The following RIN3 variants were observed in gnomAD, a reference collection of about 807,000 sequenced individuals.
RIN3 encodes the protein Ras and Rab interactor 3.
In RIN3, 54 loss-of-function variants were observed where a neutral mutation model predicts 76.3. The ratio of observed to expected loss-of-function variants is 0.71; its 90% CI spans 0.57 to 0.89. The LOEUF (loss-of-function observed/expected upper bound fraction) is 0.89. RIN3 is among the 40% of genes least tolerant of loss of function. The probability of loss-of-function intolerance (pLI) is 0.00; values close to 1 mark genes in which losing one functional copy is unlikely to be tolerated. For synonymous variants in RIN3, 576 were observed against 564.0 expected (o/e 1.02, Z -0.30); for missense variants, 1,256 against 1,322.1 (o/e 0.95, Z 0.78).
At chr14:92,599,778 G>C (rs568237379) in intron 3 of RIN3, among the ~76,000 whole-genome samples, 10 of 152,176 alleles carry the variant, frequency 6.6e-5, no homozygotes, top group African/African-American at 2.4e-4. Flanking sequence ...GGACTGAAGA[G>C]ACCTGTTTCC....
chr14:92,567,418 A>G (rs1897943016), intron 2 of RIN3, among the ~76,000 whole-genome samples: 1 of 152,154 alleles, frequency 6.6e-6, no homozygotes, highest in Admixed American at 6.5e-5. Context: ...TGCAGCTGCA[A>G]TCATCTAGCA....
chr14:92,627,025 C>A (rs1003964804), intron 4 of RIN3, among the ~76,000 whole-genome samples: 1 of 152,152 alleles, frequency 6.6e-6, no homozygotes, highest in African/African-American at 2.4e-5. Context: ...AATGAAACAA[C>A]AATATTTTAT....
At chr14:92,546,728 C>CA (rs748264138) in intron 1 of RIN3, among the ~76,000 whole-genome samples, 68 of 152,258 alleles carry the variant, frequency 4.5e-4, no homozygotes, top group Non-Finnish European at 6.6e-4. Flanking sequence ...CCCCCGCCCC[C>CA]AGCCTCAGAC....
chr14:92,639,881 T>C (rs371997465), intron 4 of RIN3, among the ~76,000 whole-genome samples: 259 of 145,340 alleles, frequency 1.8e-3, no homozygotes, highest in African/African-American at 5.6e-3. Flanking sequence ...GGGAGATGCC[T>C]GACTGTGTGC....
intron 4 of RIN3, among the ~76,000 whole-genome samples, chr14:92,621,235 C>CAAAAAA (rs572318532): frequency 0.14 from 9,879 of 70,480 alleles, 1,941 homozygotes; most frequent in Middle Eastern, 0.19. Flanking sequence ...GACTCCGTCT[C>CAAAAAA]AAAAAAAAAA....
chr14:92,640,816 G>A (rs112202444), intron 4 of RIN3, among the ~76,000 whole-genome samples: 235 of 108,890 alleles, frequency 2.2e-3, no homozygotes, highest in Non-Finnish European at 3.1e-3. Flanking sequence ...CTGTGTGTTC[G>A]TCGGGGGCTG....
chr14:92,663,232 G>A (rs1887953483), intron 7 of RIN3, among the ~76,000 whole-genome samples: 1 of 152,246 alleles, frequency 6.6e-6, no homozygotes, highest in Admixed American at 6.5e-5. Context: ...TATCGTCCTT[G>A]TGGTGAAAGT....
At position 92,651,855 on chromosome 14, in the gene RIN3, C is replaced by A. The variant is rs1380168101; in HGVS notation, c.806C>A (p.Thr269Asn). The A allele has an allele frequency of 1.2e-6, 2 of 1,609,812 alleles. No individual in the cohort carries two copies. The highest frequency in any genetic ancestry group is 1.3e-5 in the African/African-American group (1 of 74,844). ...CCTTTGCCGCCCACCTCTGATGCCACCTCACCCACCTCCAGGTGGGCCCCA... is the reference window on the plus strand; with the variant it reads ...CCTTTGCCGCCCACCTCTGATGCCAACTCACCCACCTCCAGGTGGGCCCCA... The part of the protein sequence containing the change: ...ARPLPPTSDA[T>N]SPTSRWAPRR... Residue 269 changes from threonine (T) to asparagine (N), a missense_variant, in exon 6 of 10, where the codon ACC becomes AAC. This residue lies in a region of RIN3 where 610 missense variants were observed against 626.4 expected (regional missense o/e 0.97). Transcript: ENST00000216487.
intron 2 of RIN3, among the ~76,000 whole-genome samples, chr14:92,574,688 G>A (rs748707394): frequency 4.0e-5 from 6 of 151,880 alleles, no homozygotes; most frequent in East Asian, 1.9e-4. Context: ...CCCTTCCATC[G>A]CCCCCTATTG....
At chr14:92,668,014 C>T (rs1159169871) in intron 7 of RIN3, among the ~76,000 whole-genome samples, 1 of 152,156 alleles carries the variant, frequency 6.6e-6, no homozygotes, top group Non-Finnish European at 1.5e-5. Flanking sequence ...GACAAAATCC[C>T]CTCCTGTCTT....
intron 6 of RIN3, among the ~76,000 whole-genome samples, chr14:92,653,516 G>A (rs1353914345): frequency 2.6e-5 from 4 of 152,102 alleles, no homozygotes; most frequent in Admixed American, 6.6e-5. Context: ...GAGAGTCTCC[G>A]CAGTGAAATC....
intron 3 of RIN3, among the ~76,000 whole-genome samples, chr14:92,598,612 G>A (rs1178785488): frequency 6.6e-6 from 1 of 152,212 alleles, no homozygotes; most frequent in Non-Finnish European, 1.5e-5. Context: ...TTAGCAAGTG[G>A]TGGGAACAGG....
intron 2 of RIN3, among the ~76,000 whole-genome samples, chr14:92,560,740 C>A (rs1167276728): frequency 6.6e-6 from 1 of 151,892 alleles, no homozygotes; most frequent in African/African-American, 2.4e-5. Flanking sequence ...GACACCGGGC[C>A]GGATGCGGTG....
At chr14:92,679,519 A>T (rs1888591646) in intron 8 of RIN3, among the ~76,000 whole-genome samples, 1 of 152,134 alleles carries the variant, frequency 6.6e-6, no homozygotes, top group South Asian at 2.1e-4. Flanking sequence ...CTCTCCAGCG[A>T]GGGCAGGGGT....
At chr14:92,606,279 C>G (rs1885524298) in intron 3 of RIN3, among the ~76,000 whole-genome samples, 1 of 152,106 alleles carries the variant, frequency 6.6e-6, no homozygotes, top group South Asian at 2.1e-4. Flanking sequence ...TGGCTTATAC[C>G]TGTAATCCCA....
At chr14:92,629,440 G>A (rs1207044180) in intron 4 of RIN3, among the ~76,000 whole-genome samples, 4 of 152,228 alleles carry the variant, frequency 2.6e-5, no homozygotes, top group African/African-American at 9.6e-5. Flanking sequence ...CAGAATCTGG[G>A]GGAGTTTAAA....
chr14:92,659,893 T>C (rs1887816862), intron 7 of RIN3, among the ~76,000 whole-genome samples: 1 of 152,220 alleles, frequency 6.6e-6, no homozygotes, highest in South Asian at 2.1e-4. Context: ...GGGAAGGTTC[T>C]GTTCCTTCCG....
At position 92,546,188 on chromosome 14, in the gene RIN3, G is replaced by C. The variant is rs1012014028; in HGVS notation, c.45-9563G>C. On this transcript the variant is annotated intron_variant, in intron 1 of 9. Transcript: ENST00000216487. ...GATCCACCTACCTCGGCTTCCCAAA[G>C]GGCTGGGATTACAGGCTTGAGCCAC... Among the ~76,000 whole-genome samples, 3 of 152,206 alleles carry C rather than the reference G, an allele frequency of 2.0e-5. No individual in the cohort carries two copies. In the South Asian group the frequency reaches 6.2e-4, roughly 32 times the overall value.
At chr14:92,596,464 T>C (rs1885152193) in intron 3 of RIN3, among the ~76,000 whole-genome samples, 1 of 152,196 alleles carries the variant, frequency 6.6e-6, no homozygotes, top group South Asian at 2.1e-4. Flanking sequence ...GTGCAAGCTC[T>C]TTCACCTGAG....
Sources: allele counts gnomAD v4.1 joint callset (sites outside exome capture counted in the v4.1 genomes callset), GRCh38; gene constraint gnomAD v4.1.1; regional missense constraint gnomAD v4.1.1; transcripts MANE v1.5; gene names NCBI Gene and HGNC (gene_info 2026-07-23, HGNC 2026-07-21).